PRR23A: variants seen among roughly 807,000 people sequenced by gnomAD.
PRR23A encodes proline rich 23A.
For synonymous variants in PRR23A, 161 were observed against 170.6 expected (o/e 0.94, Z 0.44); for missense variants, 342 against 372.7 (o/e 0.92, Z 0.68).
rs1936770600 is a variant in PRR23A at position 139,005,888 on chromosome 3, G to A, written c.381C>T (p.Phe127=). Residue 127 remains phenylalanine (F), a synonymous_variant, in exon 1 of 1, where the codon TTC becomes TTT. Coordinates refer to ENST00000383163, the MANE Select transcript of PRR23A (RefSeq NM_001134659.1). ...CGACGTCCTCCCTGAGAGCGCCCAG[G>A]AAAACGTCCACTTCCAGCCCAGCAG... ...DSSAGLEVDV[F]LGALREDVVV... is the part of the protein sequence containing the mutation. 6.2e-7 allele frequency: 1 copy of A among 1,613,450 alleles called. No homozygotes were observed. The highest frequency in any genetic ancestry group is 1.3e-5 in the African/African-American group (1 of 74,918).
At position 139,005,491 on chromosome 3, in the gene PRR23A, G is replaced by T; in HGVS notation, c.778C>A (p.Arg260Ser). 6.5e-7 allele frequency: 1 copy of T among 1,542,960 alleles called. No homozygotes were observed. Among genetic ancestry groups the T allele is most frequent in the Non-Finnish European group, 8.7e-7 (1 of 1,151,732 alleles). ...GTTCATTCCTGGAACAGTCGTCTGC[G>T]GGCCTTGCACGGAGGGCGTTTCGGG... ...PLPKRPPCKA[R>S]RRLFQE The change falls in exon 1 of 1, where the codon CGC becomes AGC. Residue 260 changes from arginine to serine, a missense_variant. Arg to Ser is a moderately radical substitution (Grantham distance 110). Transcript: ENST00000383163.
Position 139,006,102 on chromosome 3 carries a change from G to A in PRR23A, c.167C>T (p.Ala56Val), listed in dbSNP as rs1415801840. The change falls in exon 1 of 1, where the codon GCG becomes GTG. Residue 56 changes from alanine to valine, a missense_variant. Coordinates refer to ENST00000383163, the MANE Select transcript of PRR23A (RefSeq NM_001134659.1). ...EDPAGTPAVG[A>V]LTSIVVLAAG... The stretch of plus-strand genomic sequence containing the variant: ...GGCCAGGACCACTATGGAGGTGAGC[G>A]CGCCCACGGCCGGGGTACCCGCCGG... 4 of 1,558,146 alleles carry A rather than the reference G, an allele frequency of 2.6e-6. No homozygotes were observed. Among genetic ancestry groups the A allele is most frequent in the Admixed American group, 1.9e-5 (1 of 51,336 alleles).
Position 139,005,402 on chromosome 3 carries a change from C to G in PRR23A, c.*66G>C, listed in dbSNP as rs1469788847. On this transcript the variant is annotated 3_prime_UTR_variant, in exon 1 of 1. Coordinates refer to ENST00000383163, the MANE Select transcript of PRR23A (RefSeq NM_001134659.1). ...CTGCATTTCCGGGCTGTGGCAAGTC[C>G]TCACAGTGAGTCTTGGAGGATCCAC... The G allele has an allele frequency of 7.4e-7, 1 of 1,352,906 alleles. No individual in the cohort carries two copies. The highest frequency in any genetic ancestry group is 9.9e-7 in the Non-Finnish European group (1 of 1,014,854). 83.8% of individuals were successfully genotyped at this position (1,352,906 alleles called of 1,614,324 possible).
Position 139,004,386 on chromosome 3 carries a change from C to T in PRR23A, c.*1082G>A, listed in dbSNP as rs1350922629. ...ATTGGTTAAAGTACATAGAATATGT[C>T]ATTGTACAAGATGCTGCTGGAATGA... On this transcript the variant is annotated 3_prime_UTR_variant, in exon 1 of 1. Coordinates refer to ENST00000383163, the MANE Select transcript of PRR23A (RefSeq NM_001134659.1). Among the ~76,000 whole-genome samples, 1 of 152,142 alleles carries T rather than the reference C, an allele frequency of 6.6e-6. No individual in the cohort carries two copies. The highest frequency in any genetic ancestry group is 1.9e-4 in the East Asian group (1 of 5,190).
Position 139,005,377 on chromosome 3 carries a change from C to T in PRR23A, c.*91G>A, listed in dbSNP as rs909018767. 3.1e-5 allele frequency: 35 copies of T among 1,135,580 alleles called. No homozygotes were observed. The highest frequency in any genetic ancestry group is 4.4e-4 in the Middle Eastern group (2 of 4,590). 70.3% of individuals were successfully genotyped at this position (1,135,580 alleles called of 1,614,324 possible). A position where few individuals can be genotyped will look rare whatever the true frequency, so the allele number is the denominator to read the frequency against. ...TGCCCGCTGTCGATGAATGAAGATG[C>T]TGCATTTCCGGGCTGTGGCAAGTCC... On this transcript the variant is annotated 3_prime_UTR_variant, in exon 1 of 1. Coordinates refer to ENST00000383163, the MANE Select transcript of PRR23A (RefSeq NM_001134659.1).
chr3:139,005,539 C>A lies in PRR23A; in HGVS notation c.730G>T (p.Gly244Cys). 2 of 1,547,508 alleles carry A rather than the reference C, an allele frequency of 1.3e-6. No individual in the cohort carries two copies. Among genetic ancestry groups the A allele is most frequent in the Admixed American group, 2.0e-5 (1 of 50,570 alleles). Residue 244 changes from glycine (G) to cysteine (C), a missense_variant, in exon 1 of 1, where the codon GGT (glycine) becomes TGT (cysteine). By Grantham distance (159) the Gly-to-Cys change is radical. Coordinates refer to ENST00000383163, the MANE Select transcript of PRR23A (RefSeq NM_001134659.1). The stretch of plus-strand genomic sequence containing the variant: ...GGGAGCGGCGGGTGCGCGTGGGGAC[C>A]TGGACTCCCCACGCGCGGAGAGGGA... ...LPPSPRVGSP[G>C]PHAHPPLPKR... is the part of the protein sequence containing the mutation.
At position 139,005,833 on chromosome 3, in the gene PRR23A, C is replaced by T. The variant is rs1576486334; in HGVS notation, c.436G>A (p.Val146Ile). The T allele has an allele frequency of 2.5e-6, 4 of 1,613,994 alleles. No homozygotes were observed. The East Asian group carries it at 6.7e-5, about 27-fold the overall frequency. Reference protein sequence around the residue: ...VVEQEVFCASVPEIAAQEEAY... With the variant: ...VVEQEVFCASIPEIAAQEEAY... ...TCTTCCTGGGCGGCGATCTCTGGGA[C>T]AGATGCGCAGAAGACTTCCTGCTCA... Residue 146 changes from valine (V) to isoleucine (I), a missense_variant, in exon 1 of 1, where the codon GTC becomes ATC. Transcript: ENST00000383163.
In PRR23A at chr3:139,005,724, G is replaced by T; in HGVS notation, c.545C>A (p.Ser182Tyr). ...GTAGGGGCTGAACATACTTCTGGCG[G>T]AGGAGTAGAGCCCAGCGGCTGAGCC... Reference protein sequence around the residue: ...AAGSAAGLYSSARSMFSPYRE... With the variant: ...AAGSAAGLYSYARSMFSPYRE... Residue 182 changes from serine (S) to tyrosine (Y), a missense_variant, in exon 1 of 1, where the codon TCC becomes TAC. Physicochemically the swap from Ser to Tyr is moderately radical, Grantham distance 144. Coordinates refer to ENST00000383163, the MANE Select transcript of PRR23A (RefSeq NM_001134659.1). The T allele has an allele frequency of 5.6e-6, 9 of 1,613,736 alleles. No homozygotes were observed. Among genetic ancestry groups the T allele is most frequent in the Non-Finnish European group, 7.6e-6 (9 of 1,179,786 alleles).
chr3:139,006,035 C>G lies in PRR23A; in HGVS notation c.234G>C (p.Leu78=). 1 of 1,609,004 alleles carries G rather than the reference C, an allele frequency of 6.2e-7. No homozygotes were observed. The highest frequency in any genetic ancestry group is 8.5e-7 in the Non-Finnish European group (1 of 1,177,952). The change falls in exon 1 of 1, where the codon CTG becomes CTC. Residue 78 remains leucine, a synonymous_variant. Transcript: ENST00000383163. The part of the protein sequence containing the change: ...ALRVPLDDVD[L]VLELPPTSIL... ...TCGACGTTGGCGGGAGCTCCAGCAC[C>G]AGGTCGACGTCGTCCAGGGGCACAC...
rs1485841888 is a variant in PRR23A at position 139,006,113 on chromosome 3, C to T, written c.156G>A (p.Pro52=). Residue 52 remains proline, a synonymous_variant, in exon 1 of 1, where the codon CCG becomes CCA. Coordinates refer to ENST00000383163, the MANE Select transcript of PRR23A (RefSeq NM_001134659.1). ...CTATGGAGGTGAGCGCGCCCACGGC[C>T]GGGGTACCCGCCGGGTCTTCCAGGC... ...APSLEDPAGT[P]AVGALTSIVV... 7.8e-6 allele frequency: 12 copies of T among 1,547,444 alleles called. No individual in the cohort carries two copies. The highest frequency in any genetic ancestry group is 1.0e-5 in the Non-Finnish European group (12 of 1,147,688).
Position 139,005,699 on chromosome 3 carries a change from G to A in PRR23A, c.570C>T (p.Tyr190=). The change falls in exon 1 of 1, where the codon TAC becomes TAT. Residue 190 remains tyrosine, a synonymous_variant. Transcript: ENST00000383163. ...YSSARSMFSP[Y]REGPIPEPCA... is the part of the protein sequence containing the mutation. ...AGGGTTCTGGGATGGGGCCCTCCCG[G>A]TAGGGGCTGAACATACTTCTGGCGG... is the stretch of plus-strand genomic sequence containing the variant. The A allele has an allele frequency of 6.2e-7, 1 of 1,613,834 alleles. No homozygotes were observed. The highest frequency in any genetic ancestry group is 1.1e-5 in the South Asian group (1 of 91,042).
Position 139,006,120 on chromosome 3 carries a change from C to A in PRR23A, c.149G>T (p.Gly50Val). The A allele has an allele frequency of 1.3e-6, 2 of 1,545,756 alleles. No individual in the cohort carries two copies. Among genetic ancestry groups the A allele is most frequent in the African/African-American group, 1.4e-5 (1 of 73,070 alleles). ...RVAPSLEDPA[G>V]TPAVGALTSI... Reference sequence around the variant, plus strand: ...GGTGAGCGCGCCCACGGCCGGGGTACCCGCCGGGTCTTCCAGGCTGGGCGC... The same window carrying A: ...GGTGAGCGCGCCCACGGCCGGGGTAACCGCCGGGTCTTCCAGGCTGGGCGC... The change falls in exon 1 of 1, where the codon GGT becomes GTT. Residue 50 changes from glycine (G) to valine (V), a missense_variant. Transcript: ENST00000383163.
In PRR23A at chr3:139,004,451, T is replaced by C. The variant is rs1015987555; in HGVS notation, c.*1017A>G. ...CCTACTTTCCCTCATTAAATATTGCTTTCACTAATTTTTAAATTGTTTTTT... is the reference window on the plus strand; with the variant it reads ...CCTACTTTCCCTCATTAAATATTGCCTTCACTAATTTTTAAATTGTTTTTT... On this transcript the variant is annotated 3_prime_UTR_variant, in exon 1 of 1. Coordinates refer to ENST00000383163, the MANE Select transcript of PRR23A (RefSeq NM_001134659.1). Among the ~76,000 whole-genome samples, 9 of 152,126 alleles carry C rather than the reference T, an allele frequency of 5.9e-5. No homozygotes were observed. The highest frequency in any genetic ancestry group is 2.2e-4 in the African/African-American group (9 of 41,424).
At position 139,006,241 on chromosome 3, in the gene PRR23A, C is replaced by A; in HGVS notation, c.28G>T (p.Ala10Ser). The A allele has an allele frequency of 6.5e-7, 1 of 1,538,714 alleles. No homozygotes were observed. Among genetic ancestry groups the A allele is most frequent in the South Asian group, 1.2e-5 (1 of 83,370 alleles). Reference sequence around the variant, plus strand: ...TGTCCCCACCAGGGCGCAGGGAAGGCGCTGGGGCTGCGGGGCCGGCTGCCC... The same window carrying A: ...TGTCCCCACCAGGGCGCAGGGAAGGAGCTGGGGCTGCGGGGCCGGCTGCCC... MGSRPRSPS[A>S]FPAPWWGQQP... Residue 10 changes from alanine (A) to serine (S), a missense_variant, in exon 1 of 1, where the codon GCC (alanine) becomes TCC (serine). Transcript: ENST00000383163.
At position 139,006,249 on chromosome 3, in the gene PRR23A, C is replaced by T; in HGVS notation, c.20G>A (p.Ser7Asn). 3.9e-6 allele frequency: 6 copies of T among 1,532,044 alleles called. No homozygotes were observed. The highest frequency in any genetic ancestry group is 5.2e-6 in the Non-Finnish European group (6 of 1,145,622). The allele number at this position is 1,532,044 out of a possible 1,614,324, so 94.9% of individuals were successfully genotyped here. The change falls in exon 1 of 1, where the codon AGC (serine) becomes AAC (asparagine). Residue 7 changes from serine to asparagine, a missense_variant. Transcript: ENST00000383163. ...CCAGGGCGCAGGGAAGGCGCTGGGG[C>T]TGCGGGGCCGGCTGCCCATAGCCTC... is the stretch of plus-strand genomic sequence containing the variant. MGSRPRSPSAFPAPWWG... is the reference protein window; with the variant it reads MGSRPRNPSAFPAPWWG...
In PRR23A at chr3:139,005,935, A is replaced by G. The variant is rs769354906; in HGVS notation, c.334T>C (p.Ser112Pro). The G allele has an allele frequency of 6.2e-7, 1 of 1,613,784 alleles. No homozygotes were observed. Among genetic ancestry groups the G allele is most frequent in the Admixed American group, 1.7e-5 (1 of 59,992 alleles). ...GCAGACGAGTCGTCCTGCGCTCCTG[A>G]GCGTTCGTCGACAGAGCTCAGGAGG... ...EVLLSSVDER[S>P]GAQDDSSAGL... Residue 112 changes from serine to proline, a missense_variant, in exon 1 of 1, where the codon TCA (serine) becomes CCA (proline). Physicochemically the swap from Ser to Pro is moderately conservative, Grantham distance 74. Coordinates refer to ENST00000383163, the MANE Select transcript of PRR23A (RefSeq NM_001134659.1).
Position 139,005,991 on chromosome 3 carries a change from T to C in PRR23A, c.278A>G (p.Asp93Gly), listed in dbSNP as rs781770668. ...TGGGATCAGGATGAGGGTGTGTCCA[T>C]CGAGAGACACTCGCAGGATCGACGT... Reference protein sequence around the residue: ...PPTSILRVSLDGHTLILIPEV... With the variant: ...PPTSILRVSLGGHTLILIPEV... The change falls in exon 1 of 1, where the codon GAT becomes GGT. Residue 93 changes from aspartate to glycine, a missense_variant. Asp to Gly is a moderately conservative substitution (Grantham distance 94). Coordinates refer to ENST00000383163, the MANE Select transcript of PRR23A (RefSeq NM_001134659.1). 25 of 1,613,524 alleles carry C rather than the reference T, an allele frequency of 1.5e-5. No individual in the cohort carries two copies. The highest frequency in any genetic ancestry group is 4.5e-5 in the East Asian group (2 of 44,832).
rs1422961996 is a variant in PRR23A, at chr3:139,006,012, G to C, written c.257C>G (p.Ser86Trp). ...TCCATCGAGAGACACTCGCAGGATC[G>C]ACGTTGGCGGGAGCTCCAGCACCAG... ...VDLVLELPPT[S>W]ILRVSLDGHT... is the part of the protein sequence containing the mutation. The change falls in exon 1 of 1, where the codon TCG becomes TGG. Residue 86 changes from serine (S) to tryptophan (W), a missense_variant. By Grantham distance (177) the Ser-to-Trp change is radical. Coordinates refer to ENST00000383163, the MANE Select transcript of PRR23A (RefSeq NM_001134659.1). The C allele has an allele frequency of 3.7e-6, 6 of 1,612,508 alleles. No individual in the cohort carries two copies. The highest frequency in any genetic ancestry group is 3.3e-5 in the South Asian group (3 of 90,730).
chr3:139,006,067 C>T lies in PRR23A; in HGVS notation c.202G>A (p.Ala68Thr), dbSNP rs1199991775. 2 of 1,594,656 alleles carry T rather than the reference C, an allele frequency of 1.3e-6. No individual in the cohort carries two copies. Among genetic ancestry groups the T allele is most frequent in the African/African-American group, 2.7e-5 (2 of 74,498 alleles). The change falls in exon 1 of 1, where the codon GCC becomes ACC. Residue 68 changes from alanine to threonine, a missense_variant. Physicochemically the swap from Ala to Thr is moderately conservative, Grantham distance 58. Transcript: ENST00000383163. ...ACGTCGTCCAGGGGCACACGCAGGG[C>T]ACAGCCCGCGGCCAGGACCACTATG... ...TSIVVLAAGC[A>T]LRVPLDDVDL...
Sources: allele counts gnomAD v4.1 joint callset (sites outside exome capture counted in the v4.1 genomes callset), GRCh38; gene constraint gnomAD v4.1.1; transcripts MANE v1.5; gene names NCBI Gene and HGNC (gene_info 2026-07-23, HGNC 2026-07-21).